Variants in PTCH2 observed in about 807,000 individuals in gnomAD.
PTCH2 encodes patched 2.
In PTCH2, 96 loss-of-function variants were observed where a neutral mutation model predicts 117.9. The observed-to-expected ratio is 0.81, with a 90% confidence interval of 0.69 to 0.96. PTCH2 has a LOEUF of 0.96. PTCH2 is among the 50% of genes least tolerant of loss of function. The probability of loss-of-function intolerance (pLI) is 0.00; values close to 1 mark genes in which losing one functional copy is unlikely to be tolerated. For synonymous variants in PTCH2, 615 were observed against 660.9 expected (o/e 0.93, Z 1.06); for missense variants, 1,379 against 1,562.5 (o/e 0.88, Z 1.98).
intron 6 of PTCH2, 125 bp downstream of exon 6, chr1:44,830,723 G>A (rs972381065): frequency 2.1e-6 from 2 of 956,168 alleles, no homozygotes; most frequent in African/African-American, 3.3e-5. Flanking sequence ...GTGGGAGCAG[G>A]GTAATAATGG....
chr1:44,827,261 C>CG lies in PTCH2; in HGVS notation c.2419dup (p.Arg807ProfsTer9). The CG allele has an allele frequency of 6.2e-7, 1 of 1,614,014 alleles. No homozygotes were observed. Among genetic ancestry groups the CG allele is most frequent in the South Asian group, 1.1e-5 (1 of 91,088 alleles). On this transcript the variant is annotated frameshift_variant, in exon 16 of 22. Coordinates refer to ENST00000372192, the MANE Select transcript of PTCH2 (RefSeq NM_003738.5). LOFTEE classifies it high-confidence loss of function. ...CTCAGAGCCATTGCGGTACGAGTGG[C>CG]GGGTGATGCGCCCAGAAGCCCAGTC...
downstream of PTCH2, chr1:44,819,901 G>C (rs186502463): frequency 6.5e-6 from 1 of 153,254 alleles, no homozygotes; most frequent in Non-Finnish European, 1.5e-5. Flanking sequence ...GAAATAAGAG[G>C]CCTCAAAAAA....
At chr1:44,839,384 CAGAA>C (rs1222714582) in intron 2 of PTCH2, among the ~76,000 whole-genome samples, 150 of 97,536 alleles carry the variant, frequency 1.5e-3, no homozygotes, top group South Asian at 0.013. Context: ...AAAAAAAAAA[CAGAA>C]AGAAAAAAAA....
downstream of PTCH2, chr1:44,820,713 A>G (rs375003257): frequency 1.9e-5 from 14 of 718,106 alleles, no homozygotes; most frequent in African/African-American, 2.3e-4. Context: ...GCCTGGAAAG[A>G]TGAAGATGAG....
chr1:44,832,652 G>A (rs1653510018), intron 2 of PTCH2, among the ~76,000 whole-genome samples: 1 of 152,232 alleles, frequency 6.6e-6, no homozygotes, highest in Non-Finnish European at 1.5e-5. Context: ...CAATCAGCAT[G>A]AGCTGGCCGT....
chr1:44,830,587 C>CAAAAAAAAACAAAAAAAAAAAAAAAAAAA (rs1653390184), intron 6 of PTCH2, among the ~76,000 whole-genome samples: 1 of 65,178 alleles, frequency 1.5e-5, no homozygotes, highest in Admixed American at 1.9e-4. Context: ...GAGTGAGACT[C>CAAAAAAAAACAAAAAAAAAAAAAAAAAAA]AAAAAAAAAA....
In PTCH2 at chr1:44,826,617, G is replaced by A. The variant is rs1653157347; in HGVS notation, c.2847C>T (p.Ser949=). 1 of 1,613,304 alleles carries A rather than the reference G, an allele frequency of 6.2e-7. No individual in the cohort carries two copies. The highest frequency in any genetic ancestry group is 8.5e-7 in the Non-Finnish European group (1 of 1,180,004). Reference sequence around the variant, plus strand: ...GATACTGTTCCCAGAAGAGGAAGGGGGAGCCGCTGGGGTAGGCGTGCACCC... The same window carrying A: ...GATACTGTTCCCAGAAGAGGAAGGGAGAGCCGCTGGGGTAGGCGTGCACCC... The part of the protein sequence containing the change: ...QAGVHAYPSG[S]PFLFWEQYLG... Residue 949 remains serine, a synonymous_variant, in exon 18 of 22, where the codon TCC becomes TCT. Transcript: ENST00000372192. The surrounding 1 kb of genome is among the most constrained non-coding windows in gnomAD (Gnocchi z 5.1).
intron 6 of PTCH2, 96 bp downstream of exon 6, chr1:44,830,752 G>C: frequency 1.6e-6 from 2 of 1,288,400 alleles, no homozygotes; most frequent in African/African-American, 3.0e-5. Context: ...TGGGGGGTCA[G>C]GGCACAGAGC....
intron 2 of PTCH2, among the ~76,000 whole-genome samples, chr1:44,834,695 C>G (rs1653609765): frequency 6.6e-6 from 1 of 152,114 alleles, no homozygotes; most frequent in Non-Finnish European, 1.5e-5. Flanking sequence ...GAAAATGGGG[C>G]AGAGAAAAAG....
chr1:44,820,379 T>C (rs139116635), downstream of PTCH2: 533 of 588,748 alleles, frequency 9.1e-4, 2 homozygotes, highest in African/African-American at 9.1e-3. Flanking sequence ...GGGGTTAAGG[T>C]CCTGTCCCGC....
chr1:44,829,773 G>T lies in PTCH2; in HGVS notation c.936-12C>A. 1 of 1,614,186 alleles carries T rather than the reference G, an allele frequency of 6.2e-7. No homozygotes were observed. The highest frequency in any genetic ancestry group is 8.5e-7 in the Non-Finnish European group (1 of 1,180,026). ...GCAGGGCCTCTGCCCTGGTGGGGGT[G>T]TGGGAGAACCAGGGGTCAGAGCTGG... On this transcript the variant is annotated splice_polypyrimidine_tract_variant and intron_variant, in intron 7 of 21. Transcript: ENST00000372192.
intron 14 of PTCH2, 45 bp from the exon 15 acceptor site, chr1:44,827,759 A>C (rs1348613163): frequency 6.2e-7 from 1 of 1,611,646 alleles, no homozygotes; most frequent in South Asian, 1.1e-5. Context: ...GGCTGCCCCC[A>C]GCCCCTCAGG....
At chr1:44,841,094 C>T (rs368749532) in intron 2 of PTCH2, among the ~76,000 whole-genome samples, 1 of 145,780 alleles carries the variant, frequency 6.9e-6, no homozygotes, top group African/African-American at 2.6e-5. Context: ...CACTTGAACC[C>T]GGGAAGTGAG....
In PTCH2 at chr1:44,828,650, G is replaced by T. The variant is rs1377586128; in HGVS notation, c.1465-19C>A. The T allele has an allele frequency of 6.2e-7, 1 of 1,609,040 alleles. No homozygotes were observed. The highest frequency in any genetic ancestry group is 8.5e-7 in the Non-Finnish European group (1 of 1,178,332). On this transcript the variant is annotated intron_variant, in intron 11 of 21. Transcript: ENST00000372192. Reference sequence around the variant, plus strand: ...TGCGCTCCTGCCAGGACAGAGTGGGGACCTGCCCTCAGGTCACAAGGGAGG... The same window carrying T: ...TGCGCTCCTGCCAGGACAGAGTGGGTACCTGCCCTCAGGTCACAAGGGAGG...
In PTCH2 at chr1:44,831,572, T is replaced by C; in HGVS notation, c.617+134A>G. 4 of 862,146 alleles carry C rather than the reference T, an allele frequency of 4.6e-6. No individual in the cohort carries two copies. The highest frequency in any genetic ancestry group is 3.3e-5 in the African/African-American group (2 of 59,918). 53.4% of individuals were successfully genotyped at this position (862,146 alleles called of 1,614,324 possible). On this transcript the variant is annotated intron_variant, in intron 5 of 21. Coordinates refer to ENST00000372192, the MANE Select transcript of PTCH2 (RefSeq NM_003738.5). This position sits in a 1 kb window ranked among gnomAD's most constrained non-coding sequence, Gnocchi z 4.3. ...GTGGAGAGAGCCTTGGGGAAGCCCA[T>C]GCTCTCTGTTCCTGGCCTGGGAGGT...
rs2148887135 is a variant in PTCH2 at position 44,842,952 on chromosome 1, G to A, written c.-20C>T. 1 of 1,529,682 alleles carries A rather than the reference G, an allele frequency of 6.5e-7. No homozygotes were observed. Among genetic ancestry groups the A allele is most frequent in the Non-Finnish European group, 8.8e-7 (1 of 1,139,304 alleles). 94.8% of individuals were successfully genotyped at this position (1,529,682 alleles called of 1,614,324 possible). ...AGTCATGCTGGCGGGGATGGGGGGC[G>A]CGGGCGCCCCCAACCCGCGTTATCT... On this transcript the variant is annotated 5_prime_UTR_variant, in exon 1 of 22. Coordinates refer to ENST00000372192, the MANE Select transcript of PTCH2 (RefSeq NM_003738.5).
At position 44,829,429 on chromosome 1, in the gene PTCH2, G is replaced by A. The variant is rs755498723; in HGVS notation, c.1188C>T (p.Ala396=). The A allele has an allele frequency of 1.9e-6, 3 of 1,614,092 alleles. No homozygotes were observed. The highest frequency in any genetic ancestry group is 2.5e-6 in the Non-Finnish European group (3 of 1,180,026). ...ILHAFSEVSA[A]RVVGGYLLML... ...TGAGCAGATAGCCTCCCACCACACG[G>A]GCAGCACTGACTTCAGAGAACGCAT... is the stretch of plus-strand genomic sequence containing the variant. Residue 396 remains alanine, a synonymous_variant, in exon 9 of 22, where the codon GCC becomes GCT. Transcript: ENST00000372192.
intron 2 of PTCH2, among the ~76,000 whole-genome samples, chr1:44,836,768 G>A (rs189363965): frequency 2.2e-4 from 34 of 151,976 alleles, no homozygotes; most frequent in Admixed American, 6.6e-5. Flanking sequence ...GTGGGACTGC[G>A]TCTCTACAAA....
In PTCH2 at chr1:44,826,436, G is replaced by A. The variant is rs2148873884; in HGVS notation, c.2977-49C>T. 2.5e-6 allele frequency: 4 copies of A among 1,613,904 alleles called. No individual in the cohort carries two copies. The highest frequency in any genetic ancestry group is 4.5e-5 in the East Asian group (2 of 44,882). On this transcript the variant is annotated intron_variant, in intron 18 of 21. Coordinates refer to ENST00000372192, the MANE Select transcript of PTCH2 (RefSeq NM_003738.5). The surrounding 1 kb of genome is among the most constrained non-coding windows in gnomAD (Gnocchi z 5.1). ...GGGCTCCTGGCAGGAGGGATGACAG[G>A]CTGGGCAGGGAAGGGTGGGGTGTCT...
Sources: gnomAD v4.1 joint callset for allele counts (sites outside exome capture counted in the v4.1 genomes callset) on GRCh38, gnomAD v4.1.1 for gene constraint, Gnocchi (gnomAD v3.1) non-coding constraint, MANE v1.5 for transcripts, NCBI Gene and HGNC (gene_info 2026-07-23, HGNC 2026-07-21) for gene names.